CKMT2: variants seen among roughly 807,000 people sequenced by gnomAD.
CKMT2 encodes creatine kinase S-type, mitochondrial.
Under a neutral mutation model 48.9 loss-of-function variants are expected in CKMT2, and 43 were observed. The observed-to-expected ratio is 0.88, with a 90% CI of 0.69 to 1.13. CKMT2 has a LOEUF of 1.13. CKMT2 is among the 50% of genes most tolerant of loss of function. The pLI is 0.00. For missense variants in CKMT2, 472 were observed against 555.4 expected (o/e 0.85, Z 1.51); for synonymous variants, 206 against 213.0 (o/e 0.97, Z 0.29).
At chr5:81,258,443 A>G (rs761051010) in intron 7 of CKMT2, among the ~76,000 whole-genome samples, 3 of 152,116 alleles carry the variant, frequency 2.0e-5, no homozygotes, top group Admixed American at 6.5e-5. Flanking sequence ...CTGACCATAG[A>G]CTCACCTGCT....
chr5:81,265,520 A>T (rs77900371), intron 9 of CKMT2, among the ~76,000 whole-genome samples: 174 of 151,926 alleles, frequency 1.1e-3, no homozygotes, highest in African/African-American at 4.0e-3. Context: ...ATCCCAGGGG[A>T]AAAAAAAATT....
chr5:81,254,408 C>T lies in CKMT2; in HGVS notation c.364C>T (p.Leu122Phe), dbSNP rs1317090074. ...TTCCCTCCTGCAGGTGTTTGCTGAC[C>T]TTTTTGACCCCGTCATCAAACTAAG... ...DEESYEVFAD[L>F]FDPVIKLRHN... The change falls in exon 4 of 10, where the codon CTT becomes TTT. Residue 122 changes from leucine to phenylalanine, a missense_variant. By Grantham distance (22) the Leu-to-Phe change is conservative. Coordinates refer to ENST00000254035, the MANE Select transcript of CKMT2 (RefSeq NM_001099735.2). 6 of 1,613,832 alleles carry T rather than the reference C, an allele frequency of 3.7e-6. No individual in the cohort carries two copies. The highest frequency in any genetic ancestry group is 5.1e-6 in the Non-Finnish European group (6 of 1,179,886).
chr5:81,254,204 T>G (rs900022244), intron 3 of CKMT2, among the ~76,000 whole-genome samples, 192 bp from the exon 4 acceptor site: 1 of 151,694 alleles, frequency 6.6e-6, no homozygotes, highest in Non-Finnish European at 1.5e-5. Context: ...AGGCTTTCTC[T>G]CTTGTTGTTG....
intron 1 of CKMT2, among the ~76,000 whole-genome samples, chr5:81,247,649 A>G (rs1340527598): frequency 2.0e-5 from 3 of 152,234 alleles, no homozygotes; most frequent in African/African-American, 7.2e-5. Context: ...TGGAACAGCC[A>G]TTGCCAGAGC....
rs1580449900 is a variant in CKMT2 at position 81,255,040 on chromosome 5, G to A, written c.495G>A (p.Val165=). Residue 165 remains valine, a synonymous_variant, in exon 5 of 10, where the codon GTG becomes GTA. Coordinates refer to ENST00000254035, the MANE Select transcript of CKMT2 (RefSeq NM_001099735.2). ...FDEHYVLSSR[V]RTGRSIRGLS... The stretch of plus-strand genomic sequence containing the variant: ...AGCATTACGTGCTGTCTTCTCGGGT[G>A]CGCACTGGCCGCAGCATCCGTGGGC... 1 of 1,614,008 alleles carries A rather than the reference G, an allele frequency of 6.2e-7. No individual in the cohort carries two copies.
chr5:81,256,867 T>C (rs750936401), intron 5 of CKMT2, 48 bp from the exon 6 acceptor site: 3 of 1,395,716 alleles, frequency 2.1e-6, no homozygotes, highest in Middle Eastern at 1.8e-4. Flanking sequence ...GCAGTCCTGT[T>C]TGATCTCATC....
At chr5:81,254,568 G>A in intron 4 of CKMT2, 77 bp downstream of exon 4, 1 of 1,260,646 alleles carries the variant, frequency 7.9e-7, no homozygotes, top group Non-Finnish European at 1.2e-6. Context: ...GGAGAGAGGG[G>A]TTCCCCGCTG....
At chr5:81,248,711 T>C (rs1486378463) in intron 1 of CKMT2, among the ~76,000 whole-genome samples, 4 of 152,222 alleles carry the variant, frequency 2.6e-5, no homozygotes, top group Admixed American at 2.0e-4. Context: ...TTTGCAGATA[T>C]TAGCACGGAA....
chr5:81,260,030 C>T (rs1757158111), intron 8 of CKMT2, among the ~76,000 whole-genome samples: 1 of 152,204 alleles, frequency 6.6e-6, no homozygotes, highest in African/African-American at 2.4e-5. Flanking sequence ...TCTCAGACCA[C>T]AGTGCAATCA....
At chr5:81,260,721 T>TAATA (rs1257685584) in intron 8 of CKMT2, among the ~76,000 whole-genome samples, 2 of 152,086 alleles carry the variant, frequency 1.3e-5, no homozygotes, top group Non-Finnish European at 2.9e-5. Flanking sequence ...AGGCAGTAAT[T>TAATA]AATAGCCTAC....
At chr5:81,246,194 G>A (rs1295847802) in intron 1 of CKMT2, among the ~76,000 whole-genome samples, 1 of 151,142 alleles carries the variant, frequency 6.6e-6, no homozygotes, top group Non-Finnish European at 1.5e-5. Flanking sequence ...TCTCCTGCTT[G>A]CAAGCACATC....
At chr5:81,259,584 A>T (rs1480462038) in intron 8 of CKMT2, among the ~76,000 whole-genome samples, 1 of 152,134 alleles carries the variant, frequency 6.6e-6, no homozygotes, top group Non-Finnish European at 1.5e-5. Flanking sequence ...CTCAAACTTG[A>T]GCATGCAAGA....
intron 1 of CKMT2, chr5:81,238,442 T>C (rs1038579502): frequency 2.6e-5 from 4 of 152,214 alleles, no homozygotes; most frequent in African/African-American, 9.6e-5. Flanking sequence ...AAATGCTTAA[T>C]CTCAATTCCT....
intron 4 of CKMT2, 72 bp downstream of exon 4, chr5:81,254,563 G>T: frequency 7.5e-7 from 1 of 1,339,272 alleles, no homozygotes; most frequent in Non-Finnish European, 1.1e-6. Flanking sequence ...CCCCTGGAGA[G>T]AGGGGTTCCC....
intron 1 of CKMT2, among the ~76,000 whole-genome samples, chr5:81,246,045 T>G (rs1756598891): frequency 1.3e-5 from 2 of 151,974 alleles, no homozygotes; most frequent in African/African-American, 4.8e-5. Context: ...CACCTGGGTC[T>G]CAGCACCTTA....
chr5:81,243,195 T>C (rs1161859481), intron 1 of CKMT2, among the ~76,000 whole-genome samples: 4 of 152,144 alleles, frequency 2.6e-5, no homozygotes, highest in Non-Finnish European at 4.4e-5. Flanking sequence ...AATAGAGATA[T>C]GTGGCACTGA....
intron 1 of CKMT2, among the ~76,000 whole-genome samples, chr5:81,234,021 T>TAAA (rs536455571): frequency 0.012 from 1,109 of 91,854 alleles, 20 homozygotes; most frequent in African/African-American, 0.045. Flanking sequence ...GGAGGTTAAT[T>TAAA]AAAAAAAAAA....
chr5:81,256,839 C>A, intron 5 of CKMT2, 76 bp from the exon 6 acceptor site: 2 of 1,057,782 alleles, frequency 1.9e-6, no homozygotes, highest in Non-Finnish European at 2.8e-6. Context: ...TGGGTTGGAA[C>A]TTGTTCACCT....
At chr5:81,243,356 T>G (rs1008925283) in intron 1 of CKMT2, among the ~76,000 whole-genome samples, 3 of 152,078 alleles carry the variant, frequency 2.0e-5, no homozygotes, top group African/African-American at 4.8e-5. Flanking sequence ...GTGGTCCAAT[T>G]AGGCAGAGAA....
Sources: gnomAD v4.1 joint callset for allele counts (sites outside exome capture counted in the v4.1 genomes callset) on GRCh38, gnomAD v4.1.1 for gene constraint, MANE v1.5 for transcripts, NCBI Gene and HGNC (gene_info 2026-07-23, HGNC 2026-07-21) for gene names.